The following DRC11 variants were observed in gnomAD, a reference collection of about 807,000 sequenced individuals.
DRC11 encodes the protein dynein regulatory complex subunit 11.
the DRC11 span, among the ~76,000 whole-genome samples, chr2:236,491,163 A>ATATATATATATATATACACAG: frequency 1.2e-3 from 89 of 74,994 alleles, 5 homozygotes; most frequent in African/African-American, 4.7e-3. Context: ...CACACAGTAT[A>ATATATATATATATATACACAG]TATATATATA....
the DRC11 span, among the ~76,000 whole-genome samples, chr2:236,329,710 G>T: frequency 6.6e-6 from 1 of 152,172 alleles, no homozygotes; most frequent in Non-Finnish European, 1.5e-5. Flanking sequence ...CATCTACTTG[G>T]GGCCAGGCAC....
At chr2:236,500,806 G>A in the DRC11 span, among the ~76,000 whole-genome samples, 1 of 152,096 alleles carries the variant, frequency 6.6e-6, no homozygotes, top group East Asian at 1.9e-4. The surrounding 1 kb of genome is among the most constrained non-coding windows in gnomAD (Gnocchi z 6.3). Flanking sequence ...AGGCTCAAGT[G>A]ATTCTCCTGC....
chr2:236,435,038 C>G, the DRC11 span, among the ~76,000 whole-genome samples: 1 of 152,098 alleles, frequency 6.6e-6, no homozygotes, highest in African/African-American at 2.4e-5. Flanking sequence ...GCTGAGGCAG[C>G]CTTTGGGAGC....
chr2:236,492,519 A>C, the DRC11 span, among the ~76,000 whole-genome samples: 4 of 152,224 alleles, frequency 2.6e-5, no homozygotes, highest in African/African-American at 9.6e-5. Flanking sequence ...GAAAGACTGC[A>C]GGTGCTGGTT....
At chr2:236,318,246 C>T in the DRC11 span, among the ~76,000 whole-genome samples, 3 of 152,052 alleles carry the variant, frequency 2.0e-5, no homozygotes, top group Non-Finnish European at 4.4e-5. The surrounding 1 kb of genome is among the most constrained non-coding windows in gnomAD (Gnocchi z 7.0). Flanking sequence ...CCGCTGCACT[C>T]GATGTAAACA....
chr2:236,470,424 G>T, the DRC11 span, among the ~76,000 whole-genome samples: 1 of 152,024 alleles, frequency 6.6e-6, no homozygotes, highest in Non-Finnish European at 1.5e-5. This position sits in a 1 kb window ranked among gnomAD's most constrained non-coding sequence, Gnocchi z 5.1. Flanking sequence ...TGAGCACCAC[G>T]GCCCCCCTGG....
At chr2:236,498,950 A>G in the DRC11 span, among the ~76,000 whole-genome samples, 789 of 152,288 alleles carry the variant, frequency 5.2e-3, 3 homozygotes, top group African/African-American at 0.017. Context: ...CACTGTAGAA[A>G]GTGGGTGTGG....
the DRC11 span, among the ~76,000 whole-genome samples, chr2:236,380,178 C>T: frequency 6.6e-6 from 1 of 152,234 alleles, no homozygotes; most frequent in Non-Finnish European, 1.5e-5. The surrounding 1 kb of genome is among the most constrained non-coding windows in gnomAD (Gnocchi z 4.9). Flanking sequence ...GGCCTCACTG[C>T]TCTCATTCCT....
chr2:236,428,660 T>C, the DRC11 span, among the ~76,000 whole-genome samples: 5 of 152,168 alleles, frequency 3.3e-5, no homozygotes, highest in Admixed American at 2.0e-4. Flanking sequence ...ATGCAGCATA[T>C]AGTTGGGTAA....
chr2:236,351,911 G>A, the DRC11 span, among the ~76,000 whole-genome samples: 1 of 151,986 alleles, frequency 6.6e-6, no homozygotes, highest in Non-Finnish European at 1.5e-5. The surrounding 1 kb of genome is among the most constrained non-coding windows in gnomAD (Gnocchi z 7.3). Context: ...GGGCAGCAGG[G>A]CAGGCAGGGA....
At chr2:236,365,657 AGT>A in the DRC11 span, among the ~76,000 whole-genome samples, 1 of 151,818 alleles carries the variant, frequency 6.6e-6, no homozygotes, top group African/African-American at 2.4e-5. This position sits in a 1 kb window ranked among gnomAD's most constrained non-coding sequence, Gnocchi z 7.4. Context: ...GACCCGGGAG[AGT>A]GTGTGGCAGT....
chr2:236,319,176 G>A, the DRC11 span, among the ~76,000 whole-genome samples: 1 of 152,218 alleles, frequency 6.6e-6, no homozygotes, highest in African/African-American at 2.4e-5. This position sits in a 1 kb window ranked among gnomAD's most constrained non-coding sequence, Gnocchi z 6.7. Flanking sequence ...CTGCCCCATG[G>A]CACTTGTTCT....
the DRC11 span, among the ~76,000 whole-genome samples, chr2:236,319,577 G>T: frequency 1.3e-5 from 2 of 152,332 alleles, no homozygotes; most frequent in East Asian, 3.9e-4. The surrounding 1 kb of genome is among the most constrained non-coding windows in gnomAD (Gnocchi z 6.7). Flanking sequence ...AACAAAACCA[G>T]TATGCAGTGG....
chr2:236,484,843 G>C, the DRC11 span, among the ~76,000 whole-genome samples: 3 of 152,194 alleles, frequency 2.0e-5, no homozygotes, highest in East Asian at 3.9e-4. Context: ...CTGTGCTGTA[G>C]GCGGAAACTC....
the DRC11 span, chr2:236,441,054 T>C: frequency 1.3e-6 from 2 of 1,550,276 alleles, no homozygotes; most frequent in Non-Finnish European, 1.8e-6. Context: ...TGTATGGTCT[T>C]GTCAGAAAAA....
chr2:236,438,604 C>T, the DRC11 span, among the ~76,000 whole-genome samples: 94 of 151,980 alleles, frequency 6.2e-4, no homozygotes, highest in Non-Finnish European at 1.2e-3. Flanking sequence ...TTGTTTGTAT[C>T]CTCTTTTATT....
the DRC11 span, among the ~76,000 whole-genome samples, chr2:236,483,700 G>A: frequency 1.3e-5 from 2 of 152,104 alleles, no homozygotes; most frequent in South Asian, 4.2e-4. The surrounding 1 kb of genome is among the most constrained non-coding windows in gnomAD (Gnocchi z 4.8). Context: ...CAGGATGAGG[G>A]GCCAGGGTAA....
At chr2:236,357,517 TATTTATATATTATGAATATA>T in the DRC11 span, among the ~76,000 whole-genome samples, 2 of 127,384 alleles carry the variant, frequency 1.6e-5, no homozygotes, top group East Asian at 4.7e-4. Flanking sequence ...ATTATAAATA[TATTTATATATTATGAATATA>T]ATTTATATAT....
the DRC11 span, among the ~76,000 whole-genome samples, chr2:236,482,617 C>T: frequency 1.3e-5 from 2 of 152,120 alleles, no homozygotes; most frequent in African/African-American, 4.8e-5. This position sits in a 1 kb window ranked among gnomAD's most constrained non-coding sequence, Gnocchi z 4.5. Flanking sequence ...CTAAGATGTA[C>T]ATTTTTCATA....
Sources: allele counts gnomAD v4.1 joint callset (sites outside exome capture counted in the v4.1 genomes callset), GRCh38; gene constraint gnomAD v4.1.1; non-coding constraint Gnocchi (gnomAD v3.1); transcripts MANE v1.5; gene names NCBI Gene and HGNC (gene_info 2026-07-23, HGNC 2026-07-21).